PRKN: variants seen among roughly 807,000 people sequenced by gnomAD.
PRKN encodes the protein parkin RBR E3 ubiquitin protein ligase, also known as E3 ubiquitin-protein ligase parkin.
Under a neutral mutation model 59.5 loss-of-function variants are expected in PRKN, and 56 were observed. The ratio of observed to expected loss-of-function variants is 0.94; its 90% CI spans 0.76 to 1.18. The LOEUF (loss-of-function observed/expected upper bound fraction) is 1.18, where lower values mean the gene tolerates loss of function less well. Ranked by LOEUF, PRKN falls within the 50% of genes most tolerant of loss-of-function variation. PRKN has a pLI of 0.00. For missense variants in PRKN, 657 were observed against 596.4 expected (o/e 1.10, Z -1.06); for synonymous variants, 250 against 222.1 (o/e 1.13, Z -1.12).
intron 1 of PRKN, among the ~76,000 whole-genome samples, chr6:162,531,057 CAA>C (rs1171548218): frequency 0.12 from 9,415 of 79,658 alleles, 442 homozygotes; most frequent in South Asian, 0.25. Flanking sequence ...ACTCCATCTC[CAA>C]AAAAAAAAAA....
At chr6:162,631,180 G>C (rs1783095754) in intron 1 of PRKN, among the ~76,000 whole-genome samples, 1 of 152,116 alleles carries the variant, frequency 6.6e-6, no homozygotes, top group Non-Finnish European at 1.5e-5. Flanking sequence ...TTTTAGAGCA[G>C]AGTCATCTGT....
intron 1 of PRKN, among the ~76,000 whole-genome samples, chr6:162,580,316 C>A (rs1465321129): frequency 1.3e-5 from 2 of 151,874 alleles, no homozygotes; most frequent in East Asian, 3.9e-4. Context: ...TGCATGCCTG[C>A]AGTCCCGGCT....
At chr6:161,539,415 C>A (rs1479056959) in intron 9 of PRKN, among the ~76,000 whole-genome samples, 2 of 106,258 alleles carry the variant, frequency 1.9e-5, no homozygotes, top group Non-Finnish European at 5.0e-5. Context: ...CACCTGCATG[C>A]CTGGCTCTTT....
chr6:162,559,002 T>A lies in PRKN; in HGVS notation c.8-115529A>T, dbSNP rs551661247. 2.0e-5 allele frequency among the ~76,000 whole-genome samples: 3 copies of A among 152,150 alleles called. No individual in the cohort carries two copies. In the South Asian group the frequency reaches 6.2e-4, roughly 32 times the overall value. On this transcript the variant is annotated intron_variant, in intron 1 of 11. Transcript: ENST00000366898. ...CTTCTCTACTAAAAAATACAAAAAA[T>A]TAGCTGGGCATGGTGCCAGGTGCCT...
Position 161,471,271 on chromosome 6 carries a change from CAG to C in PRKN, c.1083+77581_1083+77582del, listed in dbSNP as rs147810971. On this transcript the variant is annotated intron_variant, in intron 9 of 11. Transcript: ENST00000366898. This position sits in a 1 kb window ranked among gnomAD's most constrained non-coding sequence, Gnocchi z 4.5. Reference sequence around the variant, plus strand: ...AGAAAGAAATATAGCCAAACATTAGCAGAGTCTGCAATGTCTGAGTTTTGGGG... The same window carrying C: ...AGAAAGAAATATAGCCAAACATTAGCAGTCTGCAATGTCTGAGTTTTGGGG... 4.8e-3 allele frequency among the ~76,000 whole-genome samples: 729 copies of C among 152,264 alleles called. 7 individuals are homozygous for C. The highest frequency in any genetic ancestry group is 8.7e-3 in the Non-Finnish European group (595 of 68,006).
intron 4 of PRKN, among the ~76,000 whole-genome samples, chr6:162,159,158 T>C (rs867249135): frequency 6.6e-6 from 1 of 150,924 alleles, no homozygotes; most frequent in African/African-American, 2.5e-5. Context: ...TGCCTATCTC[T>C]ATCTATTAAA....
At chr6:161,976,030 C>T (rs545031769) in intron 5 of PRKN, among the ~76,000 whole-genome samples, 7 of 152,188 alleles carry the variant, frequency 4.6e-5, no homozygotes, top group East Asian at 3.9e-4. Context: ...CTTGGCTTCC[C>T]GAGTAGCTGG....
intron 7 of PRKN, among the ~76,000 whole-genome samples, chr6:161,700,667 A>G (rs1256334850): frequency 6.6e-6 from 1 of 152,188 alleles, no homozygotes; most frequent in Admixed American, 6.5e-5. Context: ...TAGGTGACCA[A>G]CTGTCTTATT....
intron 7 of PRKN, among the ~76,000 whole-genome samples, chr6:161,663,583 G>T (rs1427973708): frequency 1.1e-4 from 16 of 152,128 alleles, no homozygotes; most frequent in Admixed American, 1.0e-3. Flanking sequence ...GTTCATGCCA[G>T]GATTTGCCAC....
At chr6:162,473,941 G>A (rs550778618) in intron 1 of PRKN, among the ~76,000 whole-genome samples, 1 of 152,054 alleles carries the variant, frequency 6.6e-6, no homozygotes, top group South Asian at 2.1e-4. Flanking sequence ...ACAATGATGG[G>A]GTAAAAATAA....
chr6:162,073,026 T>C (rs113689805), intron 4 of PRKN, among the ~76,000 whole-genome samples: 29 of 152,206 alleles, frequency 1.9e-4, no homozygotes, highest in African/African-American at 5.8e-4. Context: ...ATCCTCATGC[T>C]TCACTATCTT....
At chr6:162,439,390 TTTTTC>T (rs753051422) in intron 2 of PRKN, among the ~76,000 whole-genome samples, 31 of 150,996 alleles carry the variant, frequency 2.1e-4, no homozygotes, top group African/African-American at 3.2e-4. Context: ...CTCTGCTTCT[TTTTTC>T]TTCTCTTTTC....
chr6:162,302,012 T>C (rs1339618379), intron 2 of PRKN, among the ~76,000 whole-genome samples: 4 of 152,180 alleles, frequency 2.6e-5, no homozygotes, highest in Non-Finnish European at 4.4e-5. Flanking sequence ...CAAAGACATT[T>C]TCTTTTCTCG....
In PRKN at chr6:161,457,949, G is replaced by T. The variant is rs367973443; in HGVS notation, c.1084-71072C>A. 6.6e-6 allele frequency among the ~76,000 whole-genome samples: 1 copy of T among 152,212 alleles called. No homozygotes were observed. Among genetic ancestry groups the T allele is most frequent in the East Asian group, 1.9e-4 (1 of 5,202 alleles). On this transcript the variant is annotated intron_variant, in intron 9 of 11. Transcript: ENST00000366898. The surrounding 1 kb of genome is among the most constrained non-coding windows in gnomAD (Gnocchi z 5.0). ...GAAAAGGTGATTTGGTGTTTCAAGGGTTGTGGGCTTTTATGGGACACAAGC... is the reference window on the plus strand; with the variant it reads ...GAAAAGGTGATTTGGTGTTTCAAGGTTTGTGGGCTTTTATGGGACACAAGC...
At chr6:162,294,742 A>G (rs1781591354) in intron 2 of PRKN, among the ~76,000 whole-genome samples, 1 of 152,326 alleles carries the variant, frequency 6.6e-6, no homozygotes, top group East Asian at 1.9e-4. Context: ...AAGAGTAAAA[A>G]AAAAGAGAAA....
chr6:162,216,405 C>T (rs1398556204), intron 3 of PRKN, among the ~76,000 whole-genome samples: 1 of 151,320 alleles, frequency 6.6e-6, no homozygotes, highest in Non-Finnish European at 1.5e-5. Flanking sequence ...TGGCGGGCGC[C>T]TGTAGTCCCA....
At chr6:161,943,553 G>A (rs1239451236) in intron 6 of PRKN, among the ~76,000 whole-genome samples, 1 of 152,238 alleles carries the variant, frequency 6.6e-6, no homozygotes, top group Non-Finnish European at 1.5e-5. Context: ...AAGTGAATGT[G>A]GAAATCCTGA....
intron 2 of PRKN, among the ~76,000 whole-genome samples, chr6:162,277,609 T>C (rs1479843431): frequency 6.6e-6 from 1 of 151,976 alleles, no homozygotes. Flanking sequence ...AGTAAATAAA[T>C]AAACAAACAT....
intron 3 of PRKN, among the ~76,000 whole-genome samples, chr6:162,225,956 AC>A (rs1778156665): frequency 6.8e-6 from 1 of 147,632 alleles, no homozygotes; most frequent in African/African-American, 2.5e-5. Context: ...TATTTCCTAA[AC>A]ATATATGTTT....
Sources: gnomAD v4.1 joint callset for allele counts (sites outside exome capture counted in the v4.1 genomes callset) on GRCh38, gnomAD v4.1.1 for gene constraint, Gnocchi (gnomAD v3.1) non-coding constraint, MANE v1.5 for transcripts, NCBI Gene and HGNC (gene_info 2026-07-23, HGNC 2026-07-21) for gene names.